Variants in FARS2 observed in about 807,000 individuals in gnomAD.
The protein encoded by FARS2 is phenylalanine--tRNA ligase, mitochondrial.
FARS2 carries 40 observed loss-of-function variants against 46.4 expected under a neutral mutation model. That is an observed-to-expected ratio of 0.86 (90% CI 0.67 to 1.12). The LOEUF is 1.12. FARS2 is among the 50% of genes most tolerant of loss of function. The pLI, the probability that FARS2 is intolerant of heterozygous loss-of-function variation, is 0.00. For missense variants in FARS2, 513 were observed against 567.9 expected (o/e 0.90, Z 0.98); for synonymous variants, 234 against 214.9 (o/e 1.09, Z -0.78).
chr6:5,603,478 A>G (rs1484053159), intron 5 of FARS2, among the ~76,000 whole-genome samples: 1 of 152,212 alleles, frequency 6.6e-6, no homozygotes, highest in Non-Finnish European at 1.5e-5. Flanking sequence ...CGTGGCTTCA[A>G]CAGCAGAAAC....
intron 6 of FARS2, among the ~76,000 whole-genome samples, chr6:5,706,284 C>A (rs1397219729): frequency 6.6e-6 from 1 of 152,216 alleles, no homozygotes; most frequent in Non-Finnish European, 1.5e-5. Context: ...TGCTTCCTAG[C>A]CGGACACAAA....
intron 6 of FARS2, among the ~76,000 whole-genome samples, chr6:5,669,379 A>AC (rs536744576): frequency 0.073 from 6,764 of 92,472 alleles, 178 homozygotes; most frequent in Non-Finnish European, 0.11. Flanking sequence ...ACCTCCCCCC[A>AC]CCCCCCCGCT....
At chr6:5,537,447 TCCCGGGCCTCCTCTCG>T (rs1770277482) in intron 4 of FARS2, among the ~76,000 whole-genome samples, 4 of 137,590 alleles carry the variant, frequency 2.9e-5, no homozygotes, top group African/African-American at 1.1e-4. Context: ...GTTGGAGATG[TCCCGGGCCTCCTCTCG>T]AGCTGGAGAT....
In FARS2 at chr6:5,643,558, C is replaced by T. The variant is rs978758534; in HGVS notation, c.1217+30238C>T. Among the ~76,000 whole-genome samples the T allele has an allele frequency of 3.3e-5, 5 of 152,154 alleles. No individual in the cohort carries two copies. The South Asian group carries it at 6.2e-4, about 19-fold the overall frequency. ...GCATCAGTGGTGGTATTAGCAGCCA[C>T]GTTAAGGTAACTTATCACATGCTAC... On this transcript the variant is annotated intron_variant, in intron 6 of 6. Coordinates refer to ENST00000274680, the MANE Select transcript of FARS2 (RefSeq NM_006567.5).
chr6:5,253,261 G>A, the FARS2 span, among the ~76,000 whole-genome samples: 1 of 152,158 alleles, frequency 6.6e-6, no homozygotes, highest in Non-Finnish European at 1.5e-5. Context: ...AGCTATAAGA[G>A]GGATACATTG....
chr6:5,551,232 T>G (rs1438822511), intron 5 of FARS2, among the ~76,000 whole-genome samples: 3 of 152,228 alleles, frequency 2.0e-5, no homozygotes, highest in Non-Finnish European at 2.9e-5. Flanking sequence ...CCGCTATGAA[T>G]GAACAAGGAT....
intron 1 of FARS2, among the ~76,000 whole-genome samples, chr6:5,317,888 C>T (rs1015746909): frequency 2.0e-5 from 3 of 151,906 alleles, no homozygotes; most frequent in Non-Finnish European, 4.4e-5. Flanking sequence ...ATCCAGGAAA[C>T]GGGTCCCTGT....
chr6:5,306,199 C>T (rs562515641), intron 1 of FARS2, among the ~76,000 whole-genome samples: 9 of 152,124 alleles, frequency 5.9e-5, no homozygotes, highest in Non-Finnish European at 1.2e-4. Context: ...GTTGTTTTTC[C>T]TCCTTTCTTT....
At chr6:5,287,873 A>C (rs1767234575) in intron 1 of FARS2, among the ~76,000 whole-genome samples, 1 of 151,966 alleles carries the variant, frequency 6.6e-6, no homozygotes, top group Non-Finnish European at 1.5e-5. Context: ...CACACTTGGG[A>C]AATTTAAAGC....
At chr6:5,645,699 C>T (rs1054342884) in intron 6 of FARS2, among the ~76,000 whole-genome samples, 2 of 152,156 alleles carry the variant, frequency 1.3e-5, no homozygotes, top group East Asian at 1.9e-4. Flanking sequence ...TGGGTCCAGT[C>T]GAATCCTGCT....
At chr6:5,612,554 T>C (rs1489408159) in intron 5 of FARS2, among the ~76,000 whole-genome samples, 1 of 152,192 alleles carries the variant, frequency 6.6e-6, no homozygotes, top group Non-Finnish European at 1.5e-5. Flanking sequence ...TTTAAATGTC[T>C]GTCCTATATA....
intron 4 of FARS2, among the ~76,000 whole-genome samples, chr6:5,470,005 G>A (rs1765722398): frequency 6.6e-6 from 1 of 152,130 alleles, no homozygotes; most frequent in Admixed American, 6.5e-5. Context: ...AAAAAGTGAT[G>A]GATGCAGAGC....
intron 1 of FARS2, among the ~76,000 whole-genome samples, chr6:5,316,220 A>G (rs1325461065): frequency 1.3e-5 from 2 of 152,376 alleles, no homozygotes; most frequent in Admixed American, 1.3e-4. Context: ...CAGTTTCTCT[A>G]AATGCTTGTA....
intron 4 of FARS2, among the ~76,000 whole-genome samples, chr6:5,475,039 C>T (rs182688853): frequency 3.3e-5 from 5 of 152,156 alleles, no homozygotes; most frequent in East Asian, 1.9e-4. Flanking sequence ...ACTTGGTGAA[C>T]GACAGTGTAC....
chr6:5,399,127 TTTATTATTATTATTA>T (rs56236107), intron 2 of FARS2, among the ~76,000 whole-genome samples: 2,679 of 125,758 alleles, frequency 0.021, 85 homozygotes, highest in African/African-American at 0.076. Flanking sequence ...TTTATATTAT[TTTATTATTATTATTA>T]TTATTATTAT....
chr6:5,653,607 G>A (rs1777472052), intron 6 of FARS2, among the ~76,000 whole-genome samples: 1 of 152,222 alleles, frequency 6.6e-6, no homozygotes, highest in African/African-American at 2.4e-5. Context: ...CCCTCCTGGG[G>A]GATCGGAGGG....
chr6:5,699,147 C>T (rs1170533426), intron 6 of FARS2, among the ~76,000 whole-genome samples: 1 of 152,184 alleles, frequency 6.6e-6, no homozygotes, highest in African/African-American at 2.4e-5. Context: ...TGTAGAGTGG[C>T]ATTGAATGTG....
chr6:5,658,383 T>C (rs577859875), intron 6 of FARS2, among the ~76,000 whole-genome samples: 29 of 152,308 alleles, frequency 1.9e-4, no homozygotes, highest in South Asian at 8.3e-4. Context: ...CATTAACACA[T>C]AATCTTTCCA....
intron 4 of FARS2, among the ~76,000 whole-genome samples, chr6:5,499,799 G>A (rs1353065228): frequency 3.3e-5 from 5 of 152,154 alleles, no homozygotes; most frequent in African/African-American, 4.8e-5. Context: ...GAGATCATAA[G>A]TCGTTCTTTT....
Sources: gnomAD v4.1 joint callset for allele counts (sites outside exome capture counted in the v4.1 genomes callset) on GRCh38, gnomAD v4.1.1 for gene constraint, MANE v1.5 for transcripts, NCBI Gene and HGNC (gene_info 2026-07-23, HGNC 2026-07-21) for gene names.